The following RBFOX1 variants were observed in gnomAD, a reference collection of about 807,000 sequenced individuals.
RBFOX1 encodes RNA binding fox-1 homolog 1, also known as RNA binding protein fox-1 homolog 1.
In RBFOX1, 8 loss-of-function variants were observed where a neutral mutation model predicts 57.7. The observed-to-expected ratio is 0.14, with a 90% CI of 0.08 to 0.25. RBFOX1 has a LOEUF of 0.25. RBFOX1 is among the 10% of genes least tolerant of loss of function. The pLI is 1.00. For missense variants in RBFOX1, 611 were observed against 548.5 expected (o/e 1.11, Z -1.14); for synonymous variants, 326 against 222.4 (o/e 1.47, Z -4.15).
chr16:5,310,304 A>G (rs1298031942), intron 1 of RBFOX1, among the ~76,000 whole-genome samples: 2 of 152,148 alleles, frequency 1.3e-5, no homozygotes, highest in Non-Finnish European at 2.9e-5. Context: ...CAGGAGGCTG[A>G]GGCAGAGAAT....
At chr16:5,865,339 C>T (rs1024109474) in intron 3 of RBFOX1, among the ~76,000 whole-genome samples, 8 of 152,146 alleles carry the variant, frequency 5.3e-5, no homozygotes, top group South Asian at 2.1e-4. Flanking sequence ...CAGTCCTGAA[C>T]GGGCGCCAGG....
chr16:6,300,655 A>G lies in RBFOX1; in HGVS notation c.-126-16340A>G, dbSNP rs372216951. ...TATCTTTCCCACATTCTGGCTCCGG[A>G]AAACTATTCCTGATTCCCTCATATG... On this transcript the variant is annotated intron_variant, in intron 1 of 15. Coordinates refer to ENST00000550418, the MANE Select transcript of RBFOX1 (RefSeq NM_018723.4). Among the ~76,000 whole-genome samples, 254 of 152,316 alleles carry G rather than the reference A, an allele frequency of 1.7e-3. 1 individual carries two copies. The highest frequency in any genetic ancestry group is 5.9e-3 in the African/African-American group (247 of 41,564).
At chr16:7,071,684 C>T (rs1306730543) in intron 4 of RBFOX1, among the ~76,000 whole-genome samples, 1 of 151,608 alleles carries the variant, frequency 6.6e-6, no homozygotes, top group Admixed American at 6.6e-5. Context: ...TATATTTTCC[C>T]AGTATTGAAA....
intron 2 of RBFOX1, among the ~76,000 whole-genome samples, chr16:5,517,686 G>T (rs1305724614): frequency 6.6e-6 from 1 of 152,128 alleles, no homozygotes; most frequent in African/African-American, 2.4e-5. Context: ...AAGGGAATGA[G>T]GAACCATCCA....
intron 4 of RBFOX1, among the ~76,000 whole-genome samples, chr16:7,165,506 C>G (rs368607114): frequency 1.3e-5 from 2 of 151,532 alleles, no homozygotes; most frequent in African/African-American, 4.8e-5. Context: ...CTCGGCTCAC[C>G]GCACCCTCCA....
intron 5 of RBFOX1, among the ~76,000 whole-genome samples, chr16:7,575,232 T>G (rs1360221288): frequency 6.6e-6 from 1 of 152,016 alleles, no homozygotes; most frequent in East Asian, 1.9e-4. Context: ...CCTCCTGGAT[T>G]CAAGCGATTC....
At chr16:7,160,686 TG>T (rs2078122535) in intron 4 of RBFOX1, among the ~76,000 whole-genome samples, 1 of 152,056 alleles carries the variant, frequency 6.6e-6, no homozygotes, top group South Asian at 2.1e-4. Flanking sequence ...TTAGTTTTCC[TG>T]GGGGGTTTTT....
intron 1 of RBFOX1, among the ~76,000 whole-genome samples, chr16:6,149,160 G>A (rs991319667): frequency 6.6e-6 from 1 of 152,182 alleles, no homozygotes; most frequent in Non-Finnish European, 1.5e-5. Context: ...GGCGCTTTGG[G>A]GGCCTCCTTA....
intron 3 of RBFOX1, among the ~76,000 whole-genome samples, chr16:6,766,116 T>G (rs1379811379): frequency 6.6e-6 from 1 of 151,668 alleles, no homozygotes; most frequent in African/African-American, 2.4e-5. Flanking sequence ...CCTGTAACCC[T>G]AAAGCTATTG....
At chr16:7,132,148 T>A (rs1157780626) in intron 4 of RBFOX1, among the ~76,000 whole-genome samples, 1 of 151,866 alleles carries the variant, frequency 6.6e-6, no homozygotes, top group African/African-American at 2.4e-5. Context: ...GCCCAGCTAA[T>A]TTTTGTATTG....
chr16:5,266,634 G>T (rs1359634880), intron 1 of RBFOX1, among the ~76,000 whole-genome samples: 1 of 145,648 alleles, frequency 6.9e-6, no homozygotes, highest in Non-Finnish European at 1.5e-5. Flanking sequence ...TGCAGCCTCT[G>T]TCTCCTGGGC....
intron 3 of RBFOX1, among the ~76,000 whole-genome samples, chr16:5,794,262 C>T (rs931124026): frequency 1.3e-5 from 2 of 152,136 alleles, no homozygotes; most frequent in South Asian, 2.1e-4. Context: ...CTTTTTCCTT[C>T]TCTTCCTCCT....
chr16:6,285,315 A>G (rs2076790722), intron 1 of RBFOX1, among the ~76,000 whole-genome samples: 1 of 152,138 alleles, frequency 6.6e-6, no homozygotes, highest in Non-Finnish European at 1.5e-5. Context: ...CTCAGAAAGG[A>G]AAGTTTAAGA....
intron 3 of RBFOX1, among the ~76,000 whole-genome samples, chr16:6,828,303 G>T (rs2092391117): frequency 6.6e-6 from 1 of 151,996 alleles, no homozygotes; most frequent in South Asian, 2.1e-4. Context: ...ATGTGGGTGG[G>T]TCACAAGGTG....
At chr16:5,734,147 G>T (rs1305191932) in intron 3 of RBFOX1, among the ~76,000 whole-genome samples, 1 of 152,168 alleles carries the variant, frequency 6.6e-6, no homozygotes, top group Non-Finnish European at 1.5e-5. Context: ...GGGTCTCTGA[G>T]ATAGGTGTCT....
intron 1 of RBFOX1, among the ~76,000 whole-genome samples, chr16:6,265,738 C>G (rs1032717188): frequency 2.6e-5 from 4 of 152,198 alleles, no homozygotes. Flanking sequence ...GCTCTCTCAA[C>G]TGCCTTCCTT....
chr16:7,430,691 G>T (rs1028893918), intron 4 of RBFOX1, among the ~76,000 whole-genome samples: 4 of 150,344 alleles, frequency 2.7e-5, no homozygotes, highest in Admixed American at 6.6e-5. Flanking sequence ...CACCCATTCT[G>T]TGTTTCATCA....
At chr16:6,391,383 A>G (rs2092593305) in intron 2 of RBFOX1, among the ~76,000 whole-genome samples, 2 of 151,854 alleles carry the variant, frequency 1.3e-5, no homozygotes. Context: ...GGCGGCGGGC[A>G]CCTGTAGTCC....
chr16:6,929,603 T>TA (rs1047721362), intron 3 of RBFOX1, among the ~76,000 whole-genome samples: 1 of 152,098 alleles, frequency 6.6e-6, no homozygotes. Context: ...ATTTTTAGCT[T>TA]AAAAAAAGTC....
Sources: allele counts gnomAD v4.1 joint callset (sites outside exome capture counted in the v4.1 genomes callset), GRCh38; gene constraint gnomAD v4.1.1; transcripts MANE v1.5; gene names NCBI Gene and HGNC (gene_info 2026-07-23, HGNC 2026-07-21).